The following SLC16A7 variants were observed in gnomAD, a reference collection of about 807,000 sequenced individuals.
The protein encoded by SLC16A7 is monocarboxylate transporter 2.
A neutral mutation model predicts 34.9 loss-of-function variants in SLC16A7; 33 were observed. The observed-to-expected ratio is 0.94, with a 90% CI of 0.72 to 1.26. SLC16A7 has a LOEUF of 1.26. Ranked by LOEUF, SLC16A7 falls within the 50% of genes most tolerant of loss-of-function variation. The pLI is 0.00. For missense variants in SLC16A7, 573 were observed against 578.1 expected (o/e 0.99, Z 0.09); for synonymous variants, 201 against 206.6 (o/e 0.97, Z 0.23).
At chr12:59,695,740 T>A (rs1035314555) in intron 2 of SLC16A7, among the ~76,000 whole-genome samples, 44 of 152,190 alleles carry the variant, frequency 2.9e-4, no homozygotes, top group African/African-American at 9.9e-4. Flanking sequence ...TTAGTTTTGA[T>A]CTAGGCAAAG....
intron 3 of SLC16A7, chr12:59,733,783 G>A (rs1365475080): frequency 2.2e-6 from 1 of 455,914 alleles, no homozygotes; most frequent in Non-Finnish European, 4.4e-6. Context: ...AGCGAGCAAG[G>A]CAGAGAGGAG....
intron 1 of SLC16A7, among the ~76,000 whole-genome samples, chr12:59,620,458 G>T (rs546294806): frequency 7.2e-5 from 11 of 152,044 alleles, no homozygotes; most frequent in East Asian, 3.9e-4. Context: ...GACCTTGCTT[G>T]TGTGTTCAGG....
At chr12:59,676,109 C>T (rs1190638508) in intron 2 of SLC16A7, among the ~76,000 whole-genome samples, 1 of 152,094 alleles carries the variant, frequency 6.6e-6, no homozygotes, top group Non-Finnish European at 1.5e-5. Flanking sequence ...TTATGGCTTT[C>T]TTGCTCCTGA....
At chr12:59,774,385 G>A (rs1241887304) in intron 4 of SLC16A7, among the ~76,000 whole-genome samples, 4 of 152,096 alleles carry the variant, frequency 2.6e-5, no homozygotes, top group Admixed American at 2.6e-4. Context: ...CCTATTGTAC[G>A]ACTGTTGATA....
chr12:59,754,213 A>AAAT (rs1408618340), intron 3 of SLC16A7, among the ~76,000 whole-genome samples: 1 of 152,208 alleles, frequency 6.6e-6, no homozygotes, highest in African/African-American at 2.4e-5. Context: ...AAGCAAGAGC[A>AAAT]AATACATTCA....
At chr12:59,604,319 G>A (rs1878831344) in intron 1 of SLC16A7, among the ~76,000 whole-genome samples, 1 of 152,192 alleles carries the variant, frequency 6.6e-6, no homozygotes, top group Admixed American at 6.5e-5. Flanking sequence ...TTTCCTTTCT[G>A]TGCCAACAGT....
intron 3 of SLC16A7, among the ~76,000 whole-genome samples, chr12:59,754,908 C>A (rs1208430873): frequency 6.6e-6 from 1 of 152,132 alleles, no homozygotes; most frequent in African/African-American, 2.4e-5. Flanking sequence ...GTTTATCCAC[C>A]ATGATCAAGT....
intron 1 of SLC16A7, among the ~76,000 whole-genome samples, chr12:59,633,317 G>A (rs1880269009): frequency 6.6e-6 from 1 of 151,980 alleles, no homozygotes; most frequent in Admixed American, 6.6e-5. Flanking sequence ...GGCTGCCAAA[G>A]TAACAGATAC....
Position 59,786,881 on chromosome 12 carries a change from A to G in SLC16A7, c.*7202A>G, listed in dbSNP as rs1565732085. 2 of 152,172 alleles carry G rather than the reference A, an allele frequency of 1.3e-5. No individual in the cohort carries two copies. Among genetic ancestry groups the G allele is most frequent in the East Asian group, 3.9e-4 (2 of 5,190 alleles). 9.4% of individuals were successfully genotyped at this position (152,172 alleles called of 1,614,324 possible). On this transcript the variant is annotated 3_prime_UTR_variant, in exon 6 of 6. Coordinates refer to ENST00000547379, the MANE Select transcript of SLC16A7 (RefSeq NM_001270623.2). ...ATAAAATATTTTCCTAGAAATATAT[A>G]TAACAACCCTACTTGATAGTTTATA...
chr12:59,607,223 A>C (rs1392851951), intron 1 of SLC16A7, among the ~76,000 whole-genome samples: 1 of 152,186 alleles, frequency 6.6e-6, no homozygotes, highest in East Asian at 1.9e-4. Context: ...TGGAGGAATC[A>C]AAGAAGACAT....
At position 59,661,682 on chromosome 12, in the gene SLC16A7, A is replaced by G. The variant is rs139012200; in HGVS notation, c.-31+6432A>G. Among the ~76,000 whole-genome samples the G allele has an allele frequency of 5.0e-3, 765 of 152,220 alleles. 3 individuals are homozygous for G. The highest frequency in any genetic ancestry group is 0.014 in the African/African-American group (578 of 41,552). ...CCATTAGTGAGCCACTGTTGTCAGC[A>G]AGAAGGGGGAATCCATTAAGATGGT... is the stretch of plus-strand genomic sequence containing the variant. On this transcript the variant is annotated intron_variant, in intron 2 of 5. Coordinates refer to ENST00000547379, the MANE Select transcript of SLC16A7 (RefSeq NM_001270623.2).
intron 3 of SLC16A7, among the ~76,000 whole-genome samples, chr12:59,736,776 TCTGTCC>T (rs1173226778): frequency 1.3e-5 from 2 of 152,208 alleles, no homozygotes; most frequent in African/African-American, 4.8e-5. Context: ...GTCCTGATCA[TCTGTCC>T]TCCTTATGCA....
chr12:59,777,317 C>T (rs1206624402), intron 5 of SLC16A7, among the ~76,000 whole-genome samples: 2 of 152,086 alleles, frequency 1.3e-5, no homozygotes, highest in African/African-American at 2.4e-5. Flanking sequence ...TATTTCTTGA[C>T]TTTTAGATTG....
In SLC16A7 at chr12:59,599,806, C is replaced by T. The variant is rs186619329; in HGVS notation, c.-130+3570C>T. Among the ~76,000 whole-genome samples, 11 of 152,308 alleles carry T rather than the reference C, an allele frequency of 7.2e-5. No homozygotes were observed. The East Asian group carries it at 9.6e-4, about 13-fold the overall frequency. On this transcript the variant is annotated intron_variant, in intron 1 of 5. Transcript: ENST00000547379. ...TAATCTGTGTTCATCTGAACTACTT[C>T]GTAACTTGATCTGGGCTTCTCTTAG...
At chr12:59,776,098 T>C (rs1054426577) in intron 5 of SLC16A7, among the ~76,000 whole-genome samples, 14 of 152,146 alleles carry the variant, frequency 9.2e-5, no homozygotes, top group African/African-American at 3.1e-4. Flanking sequence ...ATCTGAAATA[T>C]TTTCAAAGAT....
intron 1 of SLC16A7, among the ~76,000 whole-genome samples, chr12:59,646,359 C>T (rs1270768175): frequency 6.6e-6 from 1 of 152,178 alleles, no homozygotes; most frequent in East Asian, 1.9e-4. Context: ...TAAAACGGGC[C>T]AAGGTACAGC....
intron 2 of SLC16A7, among the ~76,000 whole-genome samples, chr12:59,683,734 A>G (rs1187485341): frequency 1.3e-5 from 2 of 152,198 alleles, no homozygotes; most frequent in Non-Finnish European, 2.9e-5. Context: ...AACTGAATCT[A>G]TAGAGATAGA....
chr12:59,638,024 T>A (rs1880512460), intron 1 of SLC16A7, among the ~76,000 whole-genome samples: 1 of 152,120 alleles, frequency 6.6e-6, no homozygotes, highest in South Asian at 2.1e-4. Flanking sequence ...AAACTTCTAT[T>A]GCTTAGAAAT....
intron 1 of SLC16A7, among the ~76,000 whole-genome samples, chr12:59,646,517 G>A (rs1030626397): frequency 2.0e-5 from 3 of 152,184 alleles, no homozygotes; most frequent in Admixed American, 6.5e-5. Context: ...TGATGTCCAG[G>A]CACAAGTCTG....
Sources: allele counts gnomAD v4.1 joint callset (sites outside exome capture counted in the v4.1 genomes callset), GRCh38; gene constraint gnomAD v4.1.1; transcripts MANE v1.5; gene names NCBI Gene and HGNC (gene_info 2026-07-23, HGNC 2026-07-21).